HS6ST2: variants seen among roughly 807,000 people sequenced by gnomAD.
HS6ST2 encodes heparan sulfate 6-O-sulfotransferase 2.
Under a neutral mutation model 33.0 loss-of-function variants are expected in HS6ST2, and 17 were observed. That is an observed-to-expected ratio of 0.52 (90% CI 0.35 to 0.77). The LOEUF (loss-of-function observed/expected upper bound fraction) is 0.77, where lower values mean the gene tolerates loss of function less well. Ranked by LOEUF, HS6ST2 falls within the 30% of genes least tolerant of loss-of-function variation. The pLI is 0.01. For missense variants in HS6ST2, 519 were observed against 551.7 expected, an observed-to-expected ratio of 0.94 and a Z score of 0.59; for synonymous variants, 248 against 237.1, an observed-to-expected ratio of 1.05 and a Z score of -0.42.
chrX:132,680,411 G>T (rs1453061864), intron 3 of HS6ST2, among the ~76,000 whole-genome samples: 2 of 110,982 alleles, frequency 1.8e-5, no homozygotes, highest in Non-Finnish European at 3.8e-5. Flanking sequence ...GTACCTCTAG[G>T]TAAGATGTTT....
intron 3 of HS6ST2, among the ~76,000 whole-genome samples, chrX:132,690,415 G>C (rs1223824868): frequency 8.9e-6 from 1 of 111,941 alleles, no homozygotes; most frequent in East Asian, 2.8e-4. Context: ...AGCTCTGGGA[G>C]ATTCAGCTGT....
chrX:132,928,714 C>T (rs1231407641), intron 2 of HS6ST2, among the ~76,000 whole-genome samples: 1 of 111,140 alleles, frequency 9.0e-6, no homozygotes, highest in Non-Finnish European at 1.9e-5. Context: ...ACCGAATACC[C>T]TATTTGATTG....
At chrX:132,707,334 G>A (rs2064196007) in intron 3 of HS6ST2, among the ~76,000 whole-genome samples, 1 of 112,341 alleles carries the variant, frequency 8.9e-6, no homozygotes, top group South Asian at 3.7e-4. Flanking sequence ...CTAATACTGT[G>A]TGATTAGGTG....
intron 2 of HS6ST2, among the ~76,000 whole-genome samples, chrX:132,940,343 A>C (rs1311126756): frequency 8.9e-6 from 1 of 112,265 alleles, no homozygotes; most frequent in African/African-American, 3.2e-5. Flanking sequence ...AGGTTAAACT[A>C]TAAAACTCTT....
Position 132,912,960 on chromosome X carries a change from G to A in HS6ST2, c.947+43848C>T, listed in dbSNP as rs137983415. ...TCCCTAATTGGCTTTTTATACTGTC[G>A]TGCCCACCTTTGAGTGGTGCCCTTG... On this transcript the variant is annotated intron_variant, in intron 2 of 4. Transcript: ENST00000370833. Among the ~76,000 whole-genome samples, 603 of 109,923 alleles carry A rather than the reference G, an allele frequency of 5.5e-3. 2 individuals carry two copies. The highest frequency in any genetic ancestry group is 0.027 in the East Asian group (95 of 3,477).
intron 2 of HS6ST2, among the ~76,000 whole-genome samples, chrX:132,911,799 G>A (rs1431433823): frequency 1.8e-5 from 2 of 110,485 alleles, no homozygotes; most frequent in African/African-American, 3.3e-5. Context: ...CACCACGCCT[G>A]GCTAATTTTT....
chrX:132,851,148 G>A (rs182064364), intron 2 of HS6ST2, among the ~76,000 whole-genome samples: 2 of 111,797 alleles, frequency 1.8e-5, no homozygotes, highest in Admixed American at 1.9e-4. Flanking sequence ...AAGAAGCTAA[G>A]GTTATTTCCA....
At chrX:132,743,209 A>C (rs774580554) in intron 2 of HS6ST2, among the ~76,000 whole-genome samples, 1 of 112,931 alleles carries the variant, frequency 8.9e-6, no homozygotes, top group South Asian at 3.7e-4. Context: ...CCAAGGTTTT[A>C]GAATATCAAT....
intron 4 of HS6ST2, among the ~76,000 whole-genome samples, chrX:132,665,714 T>C (rs1397090524): frequency 1.8e-5 from 2 of 109,405 alleles, no homozygotes; most frequent in East Asian, 5.8e-4. Flanking sequence ...GCAAAACCTA[T>C]GCTTCCTGAT....
intron 4 of HS6ST2, among the ~76,000 whole-genome samples, chrX:132,641,998 G>A (rs986325639): frequency 9.8e-5 from 11 of 111,973 alleles, no homozygotes; most frequent in Admixed American, 2.8e-4. Context: ...ACCATACTTC[G>A]TATTCTACGG....
chrX:132,745,277 G>A (rs1292644281), intron 2 of HS6ST2, among the ~76,000 whole-genome samples: 4 of 111,620 alleles, frequency 3.6e-5, no homozygotes, highest in Non-Finnish European at 3.8e-5. Flanking sequence ...GTGGAAACAG[G>A]GTTTCACCAT....
intron 2 of HS6ST2, among the ~76,000 whole-genome samples, chrX:132,742,085 G>A (rs940986402): frequency 4.5e-5 from 5 of 111,978 alleles, no homozygotes; most frequent in Admixed American, 1.9e-4. Flanking sequence ...GAAAAAAGAC[G>A]TGCACATCTA....
intron 2 of HS6ST2, among the ~76,000 whole-genome samples, chrX:132,945,547 C>A (rs1247718107): frequency 2.7e-5 from 3 of 111,012 alleles, no homozygotes; most frequent in East Asian, 5.7e-4. Context: ...CATAAAGACA[C>A]ATGCACACAT....
chrX:132,931,667 C>G (rs1227597452), intron 2 of HS6ST2, among the ~76,000 whole-genome samples: 1 of 111,620 alleles, frequency 9.0e-6, no homozygotes, highest in Non-Finnish European at 1.9e-5. Flanking sequence ...CAGAGAGTTC[C>G]AAAGCTCTCC....
intron 3 of HS6ST2, among the ~76,000 whole-genome samples, chrX:132,696,068 C>T (rs2064102590): frequency 9.0e-6 from 1 of 111,583 alleles, no homozygotes; most frequent in Non-Finnish European, 1.9e-5. Flanking sequence ...TGAATGCTGG[C>T]CTCCAGGAAG....
At chrX:132,903,280 A>G (rs1030693137) in intron 2 of HS6ST2, among the ~76,000 whole-genome samples, 2 of 112,018 alleles carry the variant, frequency 1.8e-5, no homozygotes, top group Non-Finnish European at 3.8e-5. Flanking sequence ...AATACATTGC[A>G]GAAAGAAATT....
At chrX:132,827,580 T>A (rs2065535473) in intron 2 of HS6ST2, among the ~76,000 whole-genome samples, 1 of 111,230 alleles carries the variant, frequency 9.0e-6, no homozygotes, top group Admixed American at 9.6e-5. Flanking sequence ...ATGTTTCAAT[T>A]CCCTCCCTTT....
chrX:132,643,091 T>C (rs2063613746), intron 4 of HS6ST2, among the ~76,000 whole-genome samples: 1 of 112,133 alleles, frequency 8.9e-6, no homozygotes, highest in Admixed American at 9.4e-5. Flanking sequence ...TGTGACAGAA[T>C]AGAAAAACAG....
intron 4 of HS6ST2, among the ~76,000 whole-genome samples, chrX:132,643,939 C>A (rs770952021): frequency 8.4e-4 from 94 of 111,755 alleles, no homozygotes; most frequent in African/African-American, 2.6e-3. Flanking sequence ...TTGCGTGCTG[C>A]GTGAGCCACC....
Sources: gnomAD v4.1 joint callset for allele counts (sites outside exome capture counted in the v4.1 genomes callset) on GRCh38, gnomAD v4.1.1 for gene constraint, MANE v1.5 for transcripts, NCBI Gene and HGNC (gene_info 2026-07-23, HGNC 2026-07-21) for gene names.